The following PIERCE2 variants were observed in gnomAD, a reference collection of about 807,000 sequenced individuals.
PIERCE2 encodes the protein piercer of microtubule wall 2 protein.
At chr15:55,418,557 AAC>A in the PIERCE2 span, 1 of 1,461,536 alleles carries the variant, frequency 6.8e-7, no homozygotes. Flanking sequence ...CCTAATATTC[AAC>A]ACACTCTATG....
the PIERCE2 span, chr15:55,408,643 C>CT: frequency 1.6e-6 from 1 of 631,558 alleles, no homozygotes; most frequent in African/African-American, 1.8e-5. Flanking sequence ...CCCAGCTATT[C>CT]ATCTTCTGTT....
At chr15:55,415,363 G>A in the PIERCE2 span, among the ~76,000 whole-genome samples, 5 of 151,516 alleles carry the variant, frequency 3.3e-5, no homozygotes, top group Admixed American at 1.3e-4. Flanking sequence ...GGCTGAGGCA[G>A]GACAATCGCT....
the PIERCE2 span, chr15:55,408,910 T>G: frequency 1.6e-6 from 1 of 631,268 alleles, no homozygotes; most frequent in South Asian, 2.0e-5. Context: ...AGGCAACTAC[T>G]GAGCTTTTAC....
the PIERCE2 span, among the ~76,000 whole-genome samples, chr15:55,413,595 C>T: frequency 6.6e-6 from 1 of 151,724 alleles, no homozygotes; most frequent in Non-Finnish European, 1.5e-5. Flanking sequence ...CCTGTCTCTA[C>T]TAAAAATACA....
chr15:55,416,595 C>A, the PIERCE2 span, among the ~76,000 whole-genome samples: 1 of 152,102 alleles, frequency 6.6e-6, no homozygotes, highest in Non-Finnish European at 1.5e-5. Flanking sequence ...TAGATCTGTC[C>A]TTTTCCCTCA....
At chr15:55,409,495 G>A in the PIERCE2 span, among the ~76,000 whole-genome samples, 1 of 152,094 alleles carries the variant, frequency 6.6e-6, no homozygotes, top group Non-Finnish European at 1.5e-5. Context: ...TGTGGTAAAA[G>A]TAAATAAATA....
chr15:55,416,698 C>T, the PIERCE2 span, among the ~76,000 whole-genome samples: 2 of 152,018 alleles, frequency 1.3e-5, no homozygotes, highest in African/African-American at 2.4e-5. Context: ...GTGGCTCACA[C>T]CTGTAATCCC....
the PIERCE2 span, among the ~76,000 whole-genome samples, chr15:55,416,731 G>T: frequency 6.6e-6 from 1 of 152,052 alleles, no homozygotes; most frequent in African/African-American, 2.4e-5. Flanking sequence ...GGCCAAGGTA[G>T]GTGGATCACC....
the PIERCE2 span, among the ~76,000 whole-genome samples, chr15:55,412,425 G>C: frequency 2.3e-4 from 35 of 152,166 alleles, no homozygotes; most frequent in Non-Finnish European, 4.6e-4. Context: ...GGAGTTGGTA[G>C]AAGAGATCTG....
At chr15:55,417,460 T>C in the PIERCE2 span, among the ~76,000 whole-genome samples, 4 of 152,240 alleles carry the variant, frequency 2.6e-5, no homozygotes, top group South Asian at 8.3e-4. Context: ...ACAATTGTAA[T>C]TATTCAGTTA....
At chr15:55,414,820 G>A in the PIERCE2 span, among the ~76,000 whole-genome samples, 2 of 152,152 alleles carry the variant, frequency 1.3e-5, no homozygotes, top group Non-Finnish European at 2.9e-5. Flanking sequence ...GGAGGTTGCA[G>A]TGAGCCGAGA....
the PIERCE2 span, chr15:55,418,462 A>G: frequency 4.6e-6 from 7 of 1,523,598 alleles, no homozygotes; most frequent in East Asian, 1.7e-4. Flanking sequence ...AGGAGCAAGT[A>G]TTTTCAAGCC....
chr15:55,413,366 C>T, the PIERCE2 span, among the ~76,000 whole-genome samples: 1 of 152,068 alleles, frequency 6.6e-6, no homozygotes, highest in Non-Finnish European at 1.5e-5. Flanking sequence ...TTTGAGGCTG[C>T]AGTGAACTAC....
At chr15:55,412,127 A>G in the PIERCE2 span, among the ~76,000 whole-genome samples, 1 of 148,016 alleles carries the variant, frequency 6.8e-6, no homozygotes, top group African/African-American at 2.5e-5. Context: ...AATTGATCCC[A>G]TTCATATAGT....
At chr15:55,409,564 A>G in the PIERCE2 span, among the ~76,000 whole-genome samples, 1 of 152,262 alleles carries the variant, frequency 6.6e-6, no homozygotes, top group Non-Finnish European at 1.5e-5. Context: ...ACCTGAGCAG[A>G]GACAAAAGAG....
chr15:55,415,855 A>G, the PIERCE2 span, among the ~76,000 whole-genome samples: 1 of 152,156 alleles, frequency 6.6e-6, no homozygotes, highest in Non-Finnish European at 1.5e-5. Context: ...GGAGGCAGAA[A>G]TTGGGCATAA....
the PIERCE2 span, chr15:55,417,864 G>C: frequency 8.8e-6 from 3 of 339,282 alleles, no homozygotes; most frequent in African/African-American, 6.5e-5. Flanking sequence ...GATTTGGGTA[G>C]GTAATGGAAA....
At chr15:55,413,277 A>T in the PIERCE2 span, among the ~76,000 whole-genome samples, 41 of 151,774 alleles carry the variant, frequency 2.7e-4, no homozygotes, top group African/African-American at 9.9e-4. Context: ...CAAAAAAAAA[A>T]AAAAATTATA....
At chr15:55,417,783 AC>A in the PIERCE2 span, 2 of 208,184 alleles carry the variant, frequency 9.6e-6, no homozygotes, top group African/African-American at 4.7e-5. Flanking sequence ...CTTTTTAATC[AC>A]CTGGGTGGAG....
Sources: gnomAD v4.1 joint callset for allele counts (sites outside exome capture counted in the v4.1 genomes callset) on GRCh38, gnomAD v4.1.1 for gene constraint, MANE v1.5 for transcripts, NCBI Gene and HGNC (gene_info 2026-07-23, HGNC 2026-07-21) for gene names.